SRFBP1: variants seen among roughly 807,000 people sequenced by gnomAD.
SRFBP1 encodes serum response factor binding protein 1, also known as serum response factor-binding protein 1.
In SRFBP1, 47 loss-of-function variants were observed where a neutral mutation model predicts 45.5. The observed-to-expected ratio is 1.03, with a 90% CI of 0.82 to 1.32. SRFBP1 has a LOEUF of 1.32. SRFBP1 is among the 40% of genes most tolerant of loss of function. The pLI is 0.00. For missense variants in SRFBP1, 621 were observed against 484.6 expected, an observed-to-expected ratio of 1.28 and a Z score of -2.64; for synonymous variants, 203 against 166.3, an observed-to-expected ratio of 1.22 and a Z score of -1.70.
chr5:121,962,600 A>G lies in SRFBP1; in HGVS notation c.36+532A>G, dbSNP rs76478125. On this transcript the variant is annotated intron_variant, in intron 1 of 7. Coordinates refer to ENST00000339397, the MANE Select transcript of SRFBP1 (RefSeq NM_152546.3). ...TGCTTCCGTTTACAGCAGAACTTCAATAAAGAGCTGTTTATACTTGCTATC... is the reference window on the plus strand; with the variant it reads ...TGCTTCCGTTTACAGCAGAACTTCAGTAAAGAGCTGTTTATACTTGCTATC... Among the ~76,000 whole-genome samples, 320 of 152,320 alleles carry G rather than the reference A, an allele frequency of 2.1e-3. 2 individuals carry two copies. The highest frequency in any genetic ancestry group is 7.2e-3 in the African/African-American group (300 of 41,586).
At chr5:121,977,437 G>A (rs115880653) in intron 3 of SRFBP1, among the ~76,000 whole-genome samples, 2,150 of 152,006 alleles carry the variant, frequency 0.014, 33 homozygotes, top group Non-Finnish European at 0.021. Flanking sequence ...CTGTTCTTAC[G>A]TGTCAAATTT....
intron 1 of SRFBP1, among the ~76,000 whole-genome samples, chr5:121,966,536 C>G (rs955866448): frequency 6.6e-6 from 1 of 152,232 alleles, no homozygotes; most frequent in African/African-American, 2.4e-5. Flanking sequence ...TTTTTCCTCC[C>G]TTTCCATTAG....
At chr5:122,070,596 T>C (rs1554060819) in intron 2 of SRFBP1, 3 of 1,491,972 alleles carry the variant, frequency 2.0e-6, no homozygotes, top group South Asian at 1.2e-5. Context: ...ATCCCTAAGA[T>C]AAACAAAATA....
At chr5:122,046,947 C>T in intron 2 of SRFBP1, among the ~76,000 whole-genome samples, 1 of 152,090 alleles carries the variant, frequency 6.6e-6, no homozygotes, top group South Asian at 2.1e-4. Flanking sequence ...TGGATATTAG[C>T]CCTTTGTCAG....
intron 3 of SRFBP1, among the ~76,000 whole-genome samples, chr5:121,990,473 C>CT (rs2112670237): frequency 6.6e-6 from 1 of 152,236 alleles, no homozygotes; most frequent in Non-Finnish European, 1.5e-5. Flanking sequence ...CAATGGGGTA[C>CT]TATCCTCACT....
intron 3 of SRFBP1, among the ~76,000 whole-genome samples, chr5:121,992,687 G>A (rs922130565): frequency 1.3e-5 from 2 of 151,988 alleles, no homozygotes; most frequent in Non-Finnish European, 2.9e-5. Context: ...TTGTGTTTGC[G>A]TATCATACTA....
chr5:122,040,818 C>T (rs1293182583), intron 2 of SRFBP1, among the ~76,000 whole-genome samples: 1 of 152,202 alleles, frequency 6.6e-6, no homozygotes, highest in South Asian at 2.1e-4. Context: ...CTGCAAGCCT[C>T]CCTCCCTCAA....
chr5:122,014,581 CTTCA>C (rs1554086931), intron 4 of SRFBP1, among the ~76,000 whole-genome samples: 2 of 151,958 alleles, frequency 1.3e-5, no homozygotes, highest in Non-Finnish European at 1.5e-5. Context: ...TTAAAAAAAT[CTTCA>C]TTCATGAGAT....
intron 2 of SRFBP1, among the ~76,000 whole-genome samples, chr5:122,040,220 T>C (rs1265675054): frequency 1.3e-5 from 2 of 152,174 alleles, no homozygotes; most frequent in Non-Finnish European, 2.9e-5. Flanking sequence ...TGTTATTCTC[T>C]AATTAGTTGC....
In SRFBP1 at chr5:122,066,534, A is replaced by G. The variant is rs1465349627; in HGVS notation, n.312-8781A>G. ...GTTAATTCACAAAGTGATGTAAATA[A>G]TAAACATTAAAAATTTCCCAAGTAA... On this transcript the variant is annotated intron_variant and non_coding_transcript_variant, in intron 2 of 2. Coordinates refer to the SRFBP1 transcript ENST00000504881. 1.8e-5 allele frequency: 9 copies of G among 495,464 alleles called. No individual in the cohort carries two copies. The Admixed American group carries it at 3.0e-4, about 17-fold the overall frequency. 30.7% of individuals were successfully genotyped at this position (495,464 alleles called of 1,614,324 possible).
chr5:121,978,164 G>A (rs1449444805), intron 3 of SRFBP1, among the ~76,000 whole-genome samples: 1 of 152,030 alleles, frequency 6.6e-6, no homozygotes, highest in Non-Finnish European at 1.5e-5. Flanking sequence ...TATGTGCCAG[G>A]CATTATATTA....
intron 2 of SRFBP1, among the ~76,000 whole-genome samples, chr5:122,048,255 A>T (rs1226355853): frequency 6.6e-6 from 1 of 152,070 alleles, no homozygotes; most frequent in East Asian, 1.9e-4. Flanking sequence ...TTTCACATGA[A>T]GGTTGTTGAA....
intron 2 of SRFBP1, among the ~76,000 whole-genome samples, chr5:122,058,529 A>T (rs368545939): frequency 3.1e-4 from 44 of 142,348 alleles, no homozygotes; most frequent in African/African-American, 2.8e-4. Flanking sequence ...ACAATGAGAT[A>T]GTGTGTGTGT....
At chr5:121,989,798 A>G (rs889994137) in intron 3 of SRFBP1, among the ~76,000 whole-genome samples, 7 of 152,194 alleles carry the variant, frequency 4.6e-5, no homozygotes, top group Non-Finnish European at 8.8e-5. Context: ...TCCCATTATA[A>G]GTAAAACAGA....
intron 2 of SRFBP1, among the ~76,000 whole-genome samples, chr5:122,045,160 A>C (rs1323800014): frequency 6.6e-6 from 1 of 152,102 alleles, no homozygotes; most frequent in Admixed American, 6.6e-5. Flanking sequence ...CAAAGACAAG[A>C]TGGTTGTACA....
intron 4 of SRFBP1, among the ~76,000 whole-genome samples, chr5:122,018,764 G>A (rs1256563000): frequency 6.6e-6 from 1 of 152,126 alleles, no homozygotes; most frequent in African/African-American, 2.4e-5. Context: ...TAGGCCCTGA[G>A]AACGTGTCAG....
intron 1 of SRFBP1, among the ~76,000 whole-genome samples, chr5:121,963,868 C>G (rs1338354208): frequency 6.6e-6 from 1 of 151,042 alleles, no homozygotes; most frequent in Non-Finnish European, 1.5e-5. Flanking sequence ...GGAAAAAAAA[C>G]CCACAAAAGG....
chr5:122,004,261 A>C (rs1752936364), intron 4 of SRFBP1, among the ~76,000 whole-genome samples: 1 of 152,170 alleles, frequency 6.6e-6, no homozygotes, highest in African/African-American at 2.4e-5. Flanking sequence ...TACAGTTTCC[A>C]GCCTTACGTT....
intron 7 of SRFBP1, 52 bp downstream of exon 7, chr5:122,022,459 C>T: frequency 1.3e-6 from 2 of 1,508,364 alleles, no homozygotes; most frequent in African/African-American, 1.4e-5. Context: ...TATGTTTTAC[C>T]AGAGTAAAAG....
Sources: gnomAD v4.1 joint callset for allele counts (sites outside exome capture counted in the v4.1 genomes callset) on GRCh38, gnomAD v4.1.1 for gene constraint, MANE v1.5 for transcripts, NCBI Gene and HGNC (gene_info 2026-07-23, HGNC 2026-07-21) for gene names.